The following DEAF1 variants were observed in gnomAD, a reference collection of about 807,000 sequenced individuals.
DEAF1 encodes the protein deformed epidermal autoregulatory factor 1 homolog.
A neutral mutation model predicts 58.9 loss-of-function variants in DEAF1; 53 were observed. That is an observed-to-expected ratio of 0.90 (90% CI 0.72 to 1.13). The LOEUF is 1.13. Ranked by LOEUF, DEAF1 falls within the 50% of genes most tolerant of loss-of-function variation. The probability of loss-of-function intolerance (pLI) is 0.00; values close to 1 mark genes in which losing one functional copy is unlikely to be tolerated. For missense variants in DEAF1, 685 were observed against 791.4 expected (o/e 0.87, Z 1.61); for synonymous variants, 385 against 340.4 (o/e 1.13, Z -1.44).
chr11:655,611 C>T (rs1207231834), intron 10 of DEAF1, among the ~76,000 whole-genome samples: 2 of 152,054 alleles, frequency 1.3e-5, no homozygotes, highest in Non-Finnish European at 2.9e-5. Flanking sequence ...GCACAGGAAA[C>T]GACTCCAGCG....
chr11:689,202 C>CTTTTTTTTTTT (rs34046317), intron 2 of DEAF1, among the ~76,000 whole-genome samples: 1 of 94,182 alleles, frequency 1.1e-5, no homozygotes, highest in Non-Finnish European at 2.1e-5. Context: ...TTTTCTTTTT[C>CTTTTTTTTTTT]TTTTTTTTTT....
At position 688,458 on chromosome 11, in the gene DEAF1, A is replaced by T; in HGVS notation, c.390T>A (p.Ser130=). 2 of 1,613,678 alleles carry T rather than the reference A, an allele frequency of 1.2e-6. No individual in the cohort carries two copies. Among genetic ancestry groups the T allele is most frequent in the Non-Finnish European group, 1.7e-6 (2 of 1,179,984 alleles). Residue 130 remains serine (S), a splice_region_variant and synonymous_variant, in exon 3 of 12, where the codon TCT becomes TCA. Coordinates refer to ENST00000382409, the MANE Select transcript of DEAF1 (RefSeq NM_021008.4). This position sits in a 1 kb window ranked among gnomAD's most constrained non-coding sequence, Gnocchi z 4.3. ...CCCCGATCTGAAGGGCCGTCCTACC[A>T]GACTAGAAGGAAAAACCGCTCCGTC... ...NAASISGHVL[S]GRTALQIGDS... is the part of the protein sequence containing the mutation.
rs904775713 is a variant in DEAF1 at position 694,945 on chromosome 11, C to G, written c.103G>C (p.Gly35Arg). The G allele has an allele frequency of 1.5e-6, 2 of 1,294,522 alleles. No individual in the cohort carries two copies. The highest frequency in any genetic ancestry group is 3.1e-5 in the African/African-American group (2 of 64,544). The allele number at this position is 1,294,522 out of a possible 1,614,324, so 80.2% of individuals were successfully genotyped here. A position where few individuals can be genotyped will look rare whatever the true frequency, so the allele number is the denominator to read the frequency against. ...CTCAGCACCGGCTCCTCCGCCTCGC[C>G]TCCTGCCGCGGCCGCGGCCGCCGCC... ...VAAAAAAAAG[G>R]EAEEPVLSRD... The change falls in exon 1 of 12, where the codon GGC (glycine) becomes CGC (arginine). Residue 35 changes from glycine to arginine, a missense_variant. Gly to Arg is a moderately radical substitution (Grantham distance 125). Around this residue, in one of 3 missense-constraint regions of DEAF1, gnomAD observed 210 missense variants for 177.3 expected, o/e 1.18. Transcript: ENST00000382409.
At chr11:681,366 G>A (rs1006072314) in intron 6 of DEAF1, among the ~76,000 whole-genome samples, 1 of 150,894 alleles carries the variant, frequency 6.6e-6, no homozygotes, top group Non-Finnish European at 1.5e-5. Context: ...TGAGTAGCTG[G>A]GATTACAGGC....
chr11:695,815 C>CG (rs1861109635), upstream of DEAF1: 2 of 1,231,984 alleles, frequency 1.6e-6, no homozygotes, highest in African/African-American at 1.6e-5. Flanking sequence ...GACCGGCGGG[C>CG]GGGGCGGGTA....
chr11:661,439 G>A (rs11246248), intron 10 of DEAF1, among the ~76,000 whole-genome samples: 23,982 of 151,748 alleles, frequency 0.16, 2,256 homozygotes, highest in African/African-American at 0.27. Context: ...GCCAGGCACC[G>A]AGGCTCATGC....
intron 2 of DEAF1, among the ~76,000 whole-genome samples, chr11:689,468 C>CT (rs1361834260): frequency 6.6e-6 from 1 of 152,072 alleles, no homozygotes. Context: ...ATCTCGGCCT[C>CT]CCAGAGTGCT....
At chr11:646,645 G>A (rs1445095863) in intron 11 of DEAF1, 2 of 152,210 alleles carry the variant, frequency 1.3e-5, no homozygotes, top group African/African-American at 2.4e-5. Flanking sequence ...AGAGGCAAAG[G>A]CCCAGGGTTG....
At position 691,525 on chromosome 11, in the gene DEAF1, C is replaced by T. The variant is rs780059631; in HGVS notation, c.363G>A (p.Ala121=). Residue 121 remains alanine, a synonymous_variant, in exon 2 of 12, where the codon GCG becomes GCA. Coordinates refer to ENST00000382409, the MANE Select transcript of DEAF1 (RefSeq NM_021008.4). ...DNVFTTSVAN[A]ASISGHVLSG... Reference sequence around the variant, plus strand: ...CCAGAACATGTCCTGAGATGGATGCCGCGTTCGCCACAGACGTGGTGAAGA... The same window carrying T: ...CCAGAACATGTCCTGAGATGGATGCTGCGTTCGCCACAGACGTGGTGAAGA... 4.3e-6 allele frequency: 7 copies of T among 1,613,312 alleles called. No individual in the cohort carries two copies. Among genetic ancestry groups the T allele is most frequent in the African/African-American group, 1.3e-5 (1 of 75,060 alleles).
At chr11:691,707 C>T (rs1860842661) in intron 1 of DEAF1, 109 bp from the exon 2 acceptor site, 1 of 879,008 alleles carries the variant, frequency 1.1e-6, no homozygotes, top group Non-Finnish European at 1.8e-6. Flanking sequence ...GGTGTGTGCC[C>T]TTGTAACCAG....
intron 1 of DEAF1, among the ~76,000 whole-genome samples, chr11:694,164 C>A (rs1036161496): frequency 6.6e-6 from 1 of 151,904 alleles, no homozygotes; most frequent in African/African-American, 2.4e-5. Context: ...GAAGGCAGGG[C>A]AGGGGCAGAG....
intron 10 of DEAF1, among the ~76,000 whole-genome samples, chr11:658,210 C>A (rs558999109): frequency 1.3e-5 from 2 of 152,178 alleles, no homozygotes; most frequent in Non-Finnish European, 2.9e-5. Flanking sequence ...AGGCGGATCA[C>A]GAGGTCAGGA....
At position 659,707 on chromosome 11, in the gene DEAF1, C is replaced by T. The variant is rs550103650; in HGVS notation, c.1504-5656G>A. 2.3e-4 allele frequency among the ~76,000 whole-genome samples: 35 copies of T among 152,252 alleles called. No homozygotes were observed. In the South Asian group the frequency reaches 6.6e-3, roughly 29 times the overall value. On this transcript the variant is annotated intron_variant, in intron 10 of 11. Transcript: ENST00000382409. Reference sequence around the variant, plus strand: ...GAACCCTGAGTAGCCTTTGCAGATCCGCTCCTGGGTCTAGTTCCAGAGGCT... The same window carrying T: ...GAACCCTGAGTAGCCTTTGCAGATCTGCTCCTGGGTCTAGTTCCAGAGGCT...
In DEAF1 at chr11:644,437, C is replaced by T. The variant is rs1858382031; in HGVS notation, c.*113G>A. The T allele has an allele frequency of 3.7e-5, 30 of 806,096 alleles. 2 individuals are homozygous for T. The South Asian group carries it at 4.0e-4, about 11-fold the overall frequency. 49.9% of individuals were successfully genotyped at this position (806,096 alleles called of 1,614,324 possible). A position where few individuals can be genotyped will look rare whatever the true frequency, so the allele number is the denominator to read the frequency against. Reference sequence around the variant, plus strand: ...TGACTTGTCCAGCAAGTTTCTTTACCTTCCCACACCCCTCTTCTCAACGTC... The same window carrying T: ...TGACTTGTCCAGCAAGTTTCTTTACTTTCCCACACCCCTCTTCTCAACGTC... On this transcript the variant is annotated 3_prime_UTR_variant, in exon 12 of 12. Transcript: ENST00000382409. The surrounding 1 kb of genome is among the most constrained non-coding windows in gnomAD (Gnocchi z 4.3).
Position 680,967 on chromosome 11 carries a change from G to A in DEAF1, c.993C>T (p.Thr331=), listed in dbSNP as rs1251847789. The change falls in exon 7 of 12, where the codon ACC becomes ACT. Residue 331 remains threonine, a synonymous_variant. Transcript: ENST00000382409. ...NITLLPATAA[T]TFTVTPSGQI... ...GCTGTGTTTTCTCAAACTCACAGGT[G>A]GTAGCCGCGGTGGCTGGAAGCAATG... 6 of 1,614,044 alleles carry A rather than the reference G, an allele frequency of 3.7e-6. No homozygotes were observed. Among genetic ancestry groups the A allele is most frequent in the South Asian group, 2.2e-5 (2 of 91,076 alleles).
chr11:670,771 G>C (rs200964169), intron 10 of DEAF1, among the ~76,000 whole-genome samples: 1 of 45,290 alleles, frequency 2.2e-5, no homozygotes, highest in Non-Finnish European at 4.6e-5. Context: ...TTTTCTTTTT[G>C]TTTTTGTTTT....
At chr11:649,053 C>G (rs1858631839) in intron 11 of DEAF1, among the ~76,000 whole-genome samples, 1 of 152,162 alleles carries the variant, frequency 6.6e-6, no homozygotes, top group African/African-American at 2.4e-5. Flanking sequence ...GAGTTCAAGA[C>G]CAGCCTGGCC....
Position 644,503 on chromosome 11 carries a change from T to C in DEAF1, c.*47A>G. ...GGGGGGCCTTCGACCTGCAAAAGCC[T>C]CACAGGAGTGCGAGGGGCCCCAGCT... On this transcript the variant is annotated 3_prime_UTR_variant, in exon 12 of 12. Transcript: ENST00000382409. The surrounding 1 kb of genome is among the most constrained non-coding windows in gnomAD (Gnocchi z 4.3). 5 of 1,506,884 alleles carry C rather than the reference T, an allele frequency of 3.3e-6. No individual in the cohort carries two copies. The South Asian group carries it at 4.6e-5, about 14-fold the overall frequency. The allele number at this position is 1,506,884 out of a possible 1,614,324, so 93.3% of individuals were successfully genotyped here. A position where few individuals can be genotyped will look rare whatever the true frequency, so the allele number is the denominator to read the frequency against.
chr11:692,646 A>G (rs975774998), intron 1 of DEAF1, among the ~76,000 whole-genome samples: 1 of 152,174 alleles, frequency 6.6e-6, no homozygotes, highest in African/African-American at 2.4e-5. Flanking sequence ...TGAGGTCAGG[A>G]GTTCGAGACC....
Sources: gnomAD v4.1 joint callset for allele counts (sites outside exome capture counted in the v4.1 genomes callset) on GRCh38, gnomAD v4.1.1 for gene constraint, gnomAD v4.1.1 regional missense constraint, Gnocchi (gnomAD v3.1) non-coding constraint, MANE v1.5 for transcripts, NCBI Gene and HGNC (gene_info 2026-07-23, HGNC 2026-07-21) for gene names.